HESX1: variants seen among roughly 807,000 people sequenced by gnomAD.
The protein encoded by HESX1 is homeobox expressed in ES cells 1.
In HESX1, 11 loss-of-function variants were observed where a neutral mutation model predicts 22.5. The ratio of observed to expected loss-of-function variants is 0.49; its 90% CI spans 0.31 to 0.81. The LOEUF is 0.81. HESX1 is among the 30% of genes least tolerant of loss of function. HESX1 has a pLI of 0.05. For synonymous variants in HESX1, 74 were observed against 76.5 expected (o/e 0.97, Z 0.17); for missense variants, 201 against 212.6 (o/e 0.95, Z 0.34).
chr3:57,226,037 C>A (rs1383082092), intron 1 of HESX1, among the ~76,000 whole-genome samples: 1 of 151,908 alleles, frequency 6.6e-6, no homozygotes, highest in Admixed American at 6.6e-5. Flanking sequence ...GCCACCACGC[C>A]CGGCTAATTT....
At chr3:57,206,197 A>T (rs1182572153) in intron 1 of HESX1, among the ~76,000 whole-genome samples, 1 of 152,200 alleles carries the variant, frequency 6.6e-6, no homozygotes, top group Admixed American at 6.6e-5. Context: ...TCTCAAAAAA[A>T]CAAAAACAAA....
Position 57,199,843 on chromosome 3 carries a change from T to G in HESX1, c.76A>C (p.Ile26Leu), listed in dbSNP as rs778628425. ...PSTCSFSIER[I>L]LGLDQKKDCV... The stretch of plus-strand genomic sequence containing the variant: ...TCTTTCTTCTGGTCCAGTCCTAAGA[T>G]TCTCTCAATTGAAAAGGAGCAAGTT... The change falls in exon 1 of 4, where the codon ATC becomes CTC. Residue 26 changes from isoleucine (I) to leucine (L), a missense_variant. Coordinates refer to ENST00000295934, the MANE Select transcript of HESX1 (RefSeq NM_003865.3). 7.4e-6 allele frequency: 12 copies of G among 1,613,978 alleles called. No homozygotes were observed. Among genetic ancestry groups the G allele is most frequent in the Non-Finnish European group, 4.2e-6 (5 of 1,179,994 alleles).
intron 1 of HESX1, among the ~76,000 whole-genome samples, chr3:57,214,479 T>G (rs188921240): frequency 2.6e-5 from 4 of 152,340 alleles, no homozygotes; most frequent in African/African-American, 9.6e-5. Context: ...TCAGATTATC[T>G]GGGTCTAAAT....
intron 1 of HESX1, among the ~76,000 whole-genome samples, chr3:57,220,086 T>C (rs1266349888): frequency 7.2e-5 from 11 of 152,220 alleles, no homozygotes; most frequent in African/African-American, 2.7e-4. Context: ...CACCATTTAT[T>C]AAACAGGGAG....
At chr3:57,208,735 C>T (rs935150774) in intron 1 of HESX1, among the ~76,000 whole-genome samples, 22 of 149,166 alleles carry the variant, frequency 1.5e-4, no homozygotes, top group East Asian at 8.2e-4. Context: ...CCGAGGCGGG[C>T]GGATCACTTG....
chr3:57,216,517 TGGGA>T (rs1224734099), intron 1 of HESX1, among the ~76,000 whole-genome samples: 1 of 151,792 alleles, frequency 6.6e-6, no homozygotes, highest in Non-Finnish European at 1.5e-5. Context: ...GAGGCTGAGG[TGGGA>T]GGATCACCTG....
intron 1 of HESX1, among the ~76,000 whole-genome samples, chr3:57,219,589 G>A (rs1279834223): frequency 1.3e-5 from 2 of 151,938 alleles, no homozygotes; most frequent in African/African-American, 4.8e-5. Context: ...GGATGGTCTC[G>A]ATCTCCTGAC....
intron 1 of HESX1, among the ~76,000 whole-genome samples, chr3:57,215,831 T>C (rs141290401): frequency 1.6e-4 from 25 of 152,264 alleles, no homozygotes; most frequent in African/African-American, 4.3e-4. Context: ...ATAAACAATT[T>C]AGCAATGTAT....
chr3:57,198,364 T>C, intron 3 of HESX1, 27 bp downstream of exon 3: 1 of 1,547,696 alleles, frequency 6.5e-7, no homozygotes, highest in South Asian at 1.1e-5. Context: ...TTCAACATCA[T>C]GAATAACAAC....
chr3:57,223,796 C>T (rs755373176), intron 1 of HESX1, among the ~76,000 whole-genome samples: 13 of 152,038 alleles, frequency 8.6e-5, no homozygotes, highest in South Asian at 2.1e-4. Flanking sequence ...TAGGTAACAA[C>T]CAGAATTTTT....
upstream of HESX1, among the ~76,000 whole-genome samples, chr3:57,204,423 T>C (rs1409528952): frequency 6.6e-6 from 1 of 151,796 alleles, no homozygotes; most frequent in African/African-American, 2.4e-5. Flanking sequence ...GATAGGGAGG[T>C]GAGGGAAAGG....
chr3:57,216,189 ATT>A (rs1032234849), intron 1 of HESX1, among the ~76,000 whole-genome samples: 1 of 152,224 alleles, frequency 6.6e-6, no homozygotes, highest in African/African-American at 2.4e-5. Context: ...AGAATCACAC[ATT>A]GTCTTCAATT....
chr3:57,199,901 C>G lies in HESX1; in HGVS notation c.18G>C (p.Gln6His), dbSNP rs121909173. The G allele has an allele frequency of 3.0e-5, 48 of 1,613,854 alleles. No individual in the cohort carries two copies. The Middle Eastern group carries it at 5.0e-4, about 17-fold the overall frequency. Residue 6 changes from glutamine to histidine, a missense_variant, in exon 1 of 4, where the codon CAG (glutamine) becomes CAC (histidine). Physicochemically the swap from Gln to His is conservative, Grantham distance 24 (BLOSUM62 0). Transcript: ENST00000295934. ...TGTTTTCCCCGAGCTGAGCGCCTTCCTGAAGGCTGGGAGACATCCTCTCGT... is the reference window on the plus strand; with the variant it reads ...TGTTTTCCCCGAGCTGAGCGCCTTCGTGAAGGCTGGGAGACATCCTCTCGT... MSPSLQEGAQLGENKP... is the reference protein window; with the variant it reads MSPSLHEGAQLGENKP...
intron 1 of HESX1, among the ~76,000 whole-genome samples, chr3:57,217,638 C>A (rs891030990): frequency 6.6e-6 from 1 of 152,056 alleles, no homozygotes; most frequent in Non-Finnish European, 1.5e-5. Context: ...GCTGTTTTCA[C>A]CTTGCTCTGA....
intron 1 of HESX1, among the ~76,000 whole-genome samples, chr3:57,214,812 G>A (rs2060574836): frequency 6.6e-6 from 1 of 152,130 alleles, no homozygotes; most frequent in South Asian, 2.1e-4. Context: ...TGTCTGTTGA[G>A]GGGAGGAGGA....
chr3:57,199,037 T>G lies in HESX1; in HGVS notation c.158-85A>C, dbSNP rs2060466870. ...ATAGAGGTAGTTTCAGGAACTCATC[T>G]TTCATTTCCTAGTGGAATTCTGGGG... On this transcript the variant is annotated intron_variant, in intron 1 of 3. Coordinates refer to ENST00000295934, the MANE Select transcript of HESX1 (RefSeq NM_003865.3). 2.4e-6 allele frequency: 3 copies of G among 1,243,192 alleles called. No homozygotes were observed. The African/African-American group carries it at 4.5e-5, about 19-fold the overall frequency. 77.0% of individuals were successfully genotyped at this position (1,243,192 alleles called of 1,614,324 possible).
intron 1 of HESX1, among the ~76,000 whole-genome samples, chr3:57,215,567 G>C (rs1414341670): frequency 2.3e-5 from 1 of 43,044 alleles, no homozygotes; most frequent in Non-Finnish European, 4.5e-5. Context: ...TCAGCAGTTC[G>C]ACCAGCCTGG....
chr3:57,222,768 C>G (rs2060622420), intron 1 of HESX1, among the ~76,000 whole-genome samples: 1 of 152,192 alleles, frequency 6.6e-6, no homozygotes. Context: ...GTACACTTTT[C>G]CTCCAGAATT....
chr3:57,225,539 T>C (rs1180188887), intron 1 of HESX1, among the ~76,000 whole-genome samples: 2 of 152,048 alleles, frequency 1.3e-5, no homozygotes, highest in Non-Finnish European at 2.9e-5. Context: ...AGACGGGGTT[T>C]CACCAGTTGG....
Sources: allele counts gnomAD v4.1 joint callset (sites outside exome capture counted in the v4.1 genomes callset), GRCh38; gene constraint gnomAD v4.1.1; transcripts MANE v1.5; gene names NCBI Gene and HGNC (gene_info 2026-07-23, HGNC 2026-07-21).